The following ITPR2 variants were observed in gnomAD, a reference collection of about 807,000 sequenced individuals.
ITPR2 encodes the protein inositol 1,4,5-trisphosphate-gated calcium channel ITPR2.
Under a neutral mutation model 317.1 loss-of-function variants are expected in ITPR2, and 207 were observed. The observed-to-expected ratio is 0.65, with a 90% CI of 0.58 to 0.73. The LOEUF is 0.73. ITPR2 is among the 30% of genes least tolerant of loss of function. The probability of loss-of-function intolerance (pLI) is 0.00; values close to 1 mark genes in which losing one functional copy is unlikely to be tolerated. For missense variants in ITPR2, 2,613 were observed against 3,284.0 expected (o/e 0.80, Z 4.99); for synonymous variants, 1,156 against 1,149.1 (o/e 1.01, Z -0.12).
Position 26,439,339 on chromosome 12 carries a change from T to G in ITPR2, c.6451-20A>C. 1.3e-6 allele frequency: 2 copies of G among 1,576,960 alleles called. No individual in the cohort carries two copies. Among genetic ancestry groups the G allele is most frequent in the Non-Finnish European group, 1.7e-6 (2 of 1,159,416 alleles). ...GACAATCTGAAAACATTAATTTGCA[T>G]TGTTTTTAGCCTTTCGGACACCTCA... On this transcript the variant is annotated intron_variant, in intron 46 of 56. Coordinates refer to ENST00000381340, the MANE Select transcript of ITPR2 (RefSeq NM_002223.4).
intron 54 of ITPR2, among the ~76,000 whole-genome samples, chr12:26,392,434 C>T (rs1939879637): frequency 6.6e-6 from 1 of 152,122 alleles, no homozygotes; most frequent in African/African-American, 2.4e-5. Flanking sequence ...TTCCCCACTT[C>T]CACCACCGAC....
intron 55 of ITPR2, among the ~76,000 whole-genome samples, chr12:26,346,760 T>C (rs1387515636): frequency 1.3e-5 from 2 of 152,168 alleles, no homozygotes; most frequent in African/African-American, 4.8e-5. Context: ...GTTCTTGTTT[T>C]AGCTTACCAA....
rs142937834 is a variant in ITPR2 at position 26,495,562 on chromosome 12, A to C, written c.5074-302T>G. The C allele has an allele frequency of 2.1e-3, 432 of 210,046 alleles. 3 individuals carry two copies. Among genetic ancestry groups the C allele is most frequent in the African/African-American group, 9.2e-3 (403 of 43,590 alleles). 13.0% of individuals were successfully genotyped at this position (210,046 alleles called of 1,614,324 possible). ...ACTTATCTCCAAACTCATCAAGTTG[A>C]AGACATTAAATATGTACAGCTTTTT... is the stretch of plus-strand genomic sequence containing the variant. On this transcript the variant is annotated intron_variant, in intron 37 of 56. Coordinates refer to ENST00000381340, the MANE Select transcript of ITPR2 (RefSeq NM_002223.4).
At chr12:26,434,742 GTTTGA>G (rs1194637939) in intron 48 of ITPR2, among the ~76,000 whole-genome samples, 1 of 152,154 alleles carries the variant, frequency 6.6e-6, no homozygotes, top group Non-Finnish European at 1.5e-5. Flanking sequence ...TCAAATGAGT[GTTTGA>G]TATTAGATGA....
Position 26,486,115 on chromosome 12 carries a change from G to T in ITPR2, c.5800C>A (p.Arg1934=). 1 of 1,613,950 alleles carries T rather than the reference G, an allele frequency of 6.2e-7. No individual in the cohort carries two copies. Among genetic ancestry groups the T allele is most frequent in the South Asian group, 1.1e-5 (1 of 91,052 alleles). The change falls in exon 41 of 57, where the codon CGG becomes AGG. Residue 1934 remains arginine (R), a synonymous_variant. Coordinates refer to ENST00000381340, the MANE Select transcript of ITPR2 (RefSeq NM_002223.4). ...AACAGAACAAATACCTGCAATTCCC[G>T]GTTGTGATTCTCACACAGTAACTGA... ...FLQLLCENHN[R]ELQNFLRNQN...
Position 26,622,305 on chromosome 12 carries a change from C to T in ITPR2, c.3223G>A (p.Gly1075Arg). The change falls in exon 25 of 57, where the codon GGA becomes AGA. Residue 1075 changes from glycine to arginine, a missense_variant. Physicochemically the swap from Gly to Arg is moderately radical, Grantham distance 125 (BLOSUM62 -2). Transcript: ENST00000381340. The stretch of plus-strand genomic sequence containing the variant: ...TGCTTAAACAACAGCTGCAGGGCTC[C>T]AGACAGCAAAGGCGGGTAGTCGTGC... The part of the protein sequence containing the change: ...IMHDYPPLLS[G>R]ALQLLFKHFS... 6.2e-7 allele frequency: 1 copy of T among 1,614,028 alleles called. No homozygotes were observed.
intron 13 of ITPR2, among the ~76,000 whole-genome samples, chr12:26,675,593 G>A (rs1307208192): frequency 2.0e-5 from 3 of 152,220 alleles, no homozygotes; most frequent in African/African-American, 7.2e-5. Flanking sequence ...TATACCTAAT[G>A]CTAGATGACG....
chr12:26,556,556 A>ATTTTTT (rs11312773), intron 35 of ITPR2, among the ~76,000 whole-genome samples, 181 bp from the exon 36 acceptor site: 2 of 133,796 alleles, frequency 1.5e-5, no homozygotes, highest in South Asian at 2.4e-4. Context: ...CTGGGTCTCT[A>ATTTTTT]TTTTTTTTTT....
rs1565574484 is a variant in ITPR2, at chr12:26,516,265, A to AGGAAAGGAAAGGAAAGGAAAGGAAG, written c.5074-21006_5074-21005insCTTCCTTTCCTTTCCTTTCCTTTCC. On this transcript the variant is annotated intron_variant, in intron 37 of 56. Transcript: ENST00000381340. The stretch of plus-strand genomic sequence containing the variant: ...AGGAAAGGAAAGGAAAGGAAAGGAA[A>AGGAAAGGAAAGGAAAGGAAAGGAAG]GGAAAGGAAGGGAAGGGAAGGGAAA... Among the ~76,000 whole-genome samples the AGGAAAGGAAAGGAAAGGAAAGGAAG allele has an allele frequency of 3.2e-4, 11 of 34,452 alleles. 1 individual carries two copies. The highest frequency in any genetic ancestry group is 9.4e-4 in the African/African-American group (11 of 11,728). The allele number at this position is 34,452 out of a possible 152,430, so 22.6% of individuals were successfully genotyped here. A position where few individuals can be genotyped will look rare whatever the true frequency, so the allele number is the denominator to read the frequency against.
chr12:26,619,945 C>T (rs893961737), intron 26 of ITPR2, among the ~76,000 whole-genome samples: 1 of 152,068 alleles, frequency 6.6e-6, no homozygotes, highest in Admixed American at 6.6e-5. Context: ...ATAAGTTGCT[C>T]GAAGTCACAC....
chr12:26,573,538 T>C (rs1945211612), intron 34 of ITPR2, among the ~76,000 whole-genome samples: 1 of 151,418 alleles, frequency 6.6e-6, no homozygotes, highest in Admixed American at 6.6e-5. Flanking sequence ...AAGAGGAAAA[T>C]GAAATGGTCT....
intron 37 of ITPR2, among the ~76,000 whole-genome samples, chr12:26,531,409 C>T (rs1438761576): frequency 1.3e-5 from 2 of 152,128 alleles, no homozygotes; most frequent in South Asian, 2.1e-4. Flanking sequence ...GGAGCAGAAA[C>T]GAATTGTAGA....
intron 2 of ITPR2, among the ~76,000 whole-genome samples, chr12:26,783,532 T>C (rs7314838): frequency 0.16 from 24,450 of 152,116 alleles, 2,722 homozygotes; most frequent in Non-Finnish European, 0.24. Context: ...CATATATCAA[T>C]ATGCAGACTT....
At chr12:26,357,283 T>C (rs1238795138) in intron 55 of ITPR2, among the ~76,000 whole-genome samples, 1 of 152,166 alleles carries the variant, frequency 6.6e-6, no homozygotes, top group Admixed American at 6.5e-5. Flanking sequence ...TTCATTCACA[T>C]GGCCAATGAT....
intron 34 of ITPR2, among the ~76,000 whole-genome samples, chr12:26,562,780 G>T (rs532900648): frequency 1.6e-4 from 25 of 151,968 alleles, no homozygotes; most frequent in Non-Finnish European, 2.8e-4. Context: ...GTGGGGGAAG[G>T]GGGGGAGGGA....
intron 37 of ITPR2, among the ~76,000 whole-genome samples, chr12:26,523,960 G>A (rs1335601861): frequency 6.6e-6 from 1 of 152,182 alleles, no homozygotes; most frequent in Non-Finnish European, 1.5e-5. Context: ...ATCATGCCCC[G>A]CAGCTTTAAT....
chr12:26,467,165 G>T (rs1942187786), intron 45 of ITPR2, among the ~76,000 whole-genome samples: 1 of 152,088 alleles, frequency 6.6e-6, no homozygotes, highest in South Asian at 2.1e-4. Flanking sequence ...TTAGCTATTT[G>T]GAGTAATTTA....
At chr12:26,591,078 T>TAAAA (rs1945688075) in intron 32 of ITPR2, among the ~76,000 whole-genome samples, 1 of 22,438 alleles carries the variant, frequency 4.5e-5, no homozygotes, top group Non-Finnish European at 7.9e-5. Flanking sequence ...AGACTCCATC[T>TAAAA]CAAAAAAAAA....
intron 52 of ITPR2, among the ~76,000 whole-genome samples, chr12:26,407,384 A>G (rs1940388442): frequency 1.3e-5 from 2 of 152,040 alleles, no homozygotes; most frequent in African/African-American, 4.8e-5. Flanking sequence ...GCAATGTGGG[A>G]TGCTTAGTAG....
Sources: allele counts gnomAD v4.1 joint callset (sites outside exome capture counted in the v4.1 genomes callset), GRCh38; gene constraint gnomAD v4.1.1; transcripts MANE v1.5; gene names NCBI Gene and HGNC (gene_info 2026-07-23, HGNC 2026-07-21).